The following DENND2A variants were observed in gnomAD, a reference collection of about 807,000 sequenced individuals.
DENND2A encodes DENN domain-containing protein 2A.
Under a neutral mutation model 105.3 loss-of-function variants are expected in DENND2A, and 53 were observed. The observed-to-expected ratio is 0.50, with a 90% CI of 0.40 to 0.63. The LOEUF (loss-of-function observed/expected upper bound fraction) is 0.63, where lower values mean the gene tolerates loss of function less well. Ranked by LOEUF, DENND2A falls within the 30% of genes least tolerant of loss-of-function variation. DENND2A has a pLI of 0.00. For synonymous variants in DENND2A, 522 were observed against 508.4 expected, an observed-to-expected ratio of 1.03 and a Z score of -0.36; for missense variants, 1,138 against 1,279.6, an observed-to-expected ratio of 0.89 and a Z score of 1.69.
chr7:140,558,089 C>G, intron 11 of DENND2A, 54 bp downstream of exon 11: 3 of 1,500,470 alleles, frequency 2.0e-6, no homozygotes, highest in Non-Finnish European at 2.8e-6. Flanking sequence ...GGCTCTTGCA[C>G]CAGGACTAGG....
At chr7:140,535,821 A>C (rs1328154562) in intron 14 of DENND2A, among the ~76,000 whole-genome samples, 2 of 152,026 alleles carry the variant, frequency 1.3e-5, no homozygotes, top group Non-Finnish European at 2.9e-5. Flanking sequence ...ACTTCAGATG[A>C]TCCACCTGCC....
intron 14 of DENND2A, among the ~76,000 whole-genome samples, chr7:140,532,877 T>C (rs1017643935): frequency 4.0e-4 from 44 of 110,386 alleles, no homozygotes; most frequent in African/African-American, 1.9e-3. Flanking sequence ...AAAAATTAAA[T>C]GTATATAAAA....
intron 5 of DENND2A, among the ~76,000 whole-genome samples, chr7:140,576,290 T>C (rs185376389): frequency 3.3e-4 from 51 of 152,302 alleles, no homozygotes; most frequent in African/African-American, 1.1e-3. Context: ...GTTAATCTTT[T>C]CTTTTGTAAT....
At position 140,639,007 on chromosome 7, in the gene DENND2A, T is replaced by C. The variant is rs117955071; in HGVS notation, c.-248+1497A>G. On this transcript the variant is annotated intron_variant, in intron 1 of 19. Coordinates refer to ENST00000496613, the MANE Select transcript of DENND2A (RefSeq NM_015689.5). ...CGCATGCCTAGCACACAGAGCTGTGTAAGGGTATGAATAGAATACATGACA... is the reference window on the plus strand; with the variant it reads ...CGCATGCCTAGCACACAGAGCTGTGCAAGGGTATGAATAGAATACATGACA... 5.7e-3 allele frequency among the ~76,000 whole-genome samples: 871 copies of C among 152,330 alleles called. 3 individuals are homozygous for C. The highest frequency in any genetic ancestry group is 0.034 in the Middle Eastern group (10 of 294).
At chr7:140,520,289 A>G (rs1029331253) in intron 18 of DENND2A, among the ~76,000 whole-genome samples, 2 of 151,588 alleles carry the variant, frequency 1.3e-5, no homozygotes, top group African/African-American at 4.8e-5. Flanking sequence ...TTGGGCAACA[A>G]GAGTGAAACT....
chr7:140,545,155 C>A (rs1192575348), intron 13 of DENND2A, among the ~76,000 whole-genome samples: 1 of 152,078 alleles, frequency 6.6e-6, no homozygotes, highest in East Asian at 1.9e-4. Flanking sequence ...CCCTGAGAGT[C>A]CCAGTGGAGA....
At chr7:140,641,021 C>T (rs1022471339), upstream of DENND2A, among the ~76,000 whole-genome samples, 5 of 152,174 alleles carry the variant, frequency 3.3e-5, no homozygotes, top group African/African-American at 1.2e-4. Context: ...GGAGGACGCC[C>T]GCCGCGCGCG....
intron 1 of DENND2A, among the ~76,000 whole-genome samples, chr7:140,612,983 G>A (rs1188245377): frequency 2.0e-5 from 3 of 151,844 alleles, no homozygotes; most frequent in Admixed American, 1.3e-4. Flanking sequence ...GCATGGTGGT[G>A]CATGCCTGTA....
intron 12 of DENND2A, among the ~76,000 whole-genome samples, chr7:140,553,781 A>G (rs1024321803): frequency 1.3e-5 from 2 of 152,230 alleles, no homozygotes; most frequent in African/African-American, 4.8e-5. Flanking sequence ...CTGAGTGGAC[A>G]CAGCACGTTT....
At chr7:140,570,424 G>C (rs1362940382) in intron 6 of DENND2A, among the ~76,000 whole-genome samples, 4 of 152,104 alleles carry the variant, frequency 2.6e-5, no homozygotes, top group African/African-American at 7.2e-5. Context: ...AGAAAAGGAA[G>C]AGACAGAAAA....
chr7:140,621,439 CAA>C lies in DENND2A; in HGVS notation c.-247-15635_-247-15634del, dbSNP rs551886735. On this transcript the variant is annotated intron_variant, in intron 1 of 19. Coordinates refer to ENST00000496613, the MANE Select transcript of DENND2A (RefSeq NM_015689.5). ...TACTGTGTTGTTTAAGAAATAATGA[CAA>C]GAGAAAAATAGTCTGTACATGTTCA... Among the ~76,000 whole-genome samples, 13 of 152,114 alleles carry C rather than the reference CAA, an allele frequency of 8.5e-5. No individual in the cohort carries two copies. The South Asian group carries it at 1.5e-3, about 17-fold the overall frequency.
intron 15 of DENND2A, among the ~76,000 whole-genome samples, chr7:140,526,340 G>A (rs932697253): frequency 6.6e-6 from 1 of 152,206 alleles, no homozygotes; most frequent in Non-Finnish European, 1.5e-5. Context: ...CAGGACCAGG[G>A]TGGGGCAAGT....
At chr7:140,593,849 C>T (rs1387618781) in intron 3 of DENND2A, among the ~76,000 whole-genome samples, 2 of 152,138 alleles carry the variant, frequency 1.3e-5, no homozygotes, top group African/African-American at 4.8e-5. Flanking sequence ...CCCATTGGTG[C>T]CCACCCAGTC....
chr7:140,557,046 T>C (rs1186208964), intron 11 of DENND2A, among the ~76,000 whole-genome samples: 1 of 152,020 alleles, frequency 6.6e-6, no homozygotes, highest in Non-Finnish European at 1.5e-5. Context: ...TGGCATGTTT[T>C]ATTAGAAAAA....
chr7:140,544,246 G>T (rs955128279), intron 14 of DENND2A: 2 of 336,620 alleles, frequency 5.9e-6, no homozygotes, highest in Non-Finnish European at 1.1e-5. Flanking sequence ...CCAAGCTGGA[G>T]TGCAGTGGTG....
At position 140,572,883 on chromosome 7, in the gene DENND2A, G is replaced by A. The variant is rs147879693; in HGVS notation, c.1446+925C>T. On this transcript the variant is annotated intron_variant, in intron 6 of 19. Transcript: ENST00000496613. ...TAAAAACAGCAGGTGCACAAAGGGC[G>A]CTCTGACCTTCCCTTTTCTTCTTAA... 2.8e-4 allele frequency among the ~76,000 whole-genome samples: 43 copies of A among 152,064 alleles called. No homozygotes were observed. The East Asian group carries it at 6.2e-3, about 22-fold the overall frequency.
At chr7:140,583,881 G>A (rs1362387580) in intron 5 of DENND2A, among the ~76,000 whole-genome samples, 22 of 145,564 alleles carry the variant, frequency 1.5e-4, no homozygotes, top group Admixed American at 8.8e-4. Context: ...AGCCAAGATC[G>A]TGCCACTGCA....
At chr7:140,597,847 C>G (rs1349724158) in intron 3 of DENND2A, among the ~76,000 whole-genome samples, 1 of 152,048 alleles carries the variant, frequency 6.6e-6, no homozygotes, top group Non-Finnish European at 1.5e-5. Flanking sequence ...TGGGAGTGCT[C>G]GGGGACCCGG....
chr7:140,638,588 C>G (rs1388186156), intron 1 of DENND2A, among the ~76,000 whole-genome samples: 1 of 152,190 alleles, frequency 6.6e-6, no homozygotes, highest in African/African-American at 2.4e-5. Context: ...CTGGCAGATC[C>G]TTCCTTCCCT....
Sources: gnomAD v4.1 joint callset for allele counts (sites outside exome capture counted in the v4.1 genomes callset) on GRCh38, gnomAD v4.1.1 for gene constraint, MANE v1.5 for transcripts, NCBI Gene and HGNC (gene_info 2026-07-23, HGNC 2026-07-21) for gene names.